CDKL1: variants seen among roughly 807,000 people sequenced by gnomAD.
The protein encoded by CDKL1 is cyclin dependent kinase like 1, also known as cyclin-dependent kinase-like 1.
In CDKL1, 41 loss-of-function variants were observed where a neutral mutation model predicts 42.0. That is an observed-to-expected ratio of 0.98 (90% CI 0.76 to 1.27). The LOEUF (loss-of-function observed/expected upper bound fraction) is 1.27, where lower values mean the gene tolerates loss of function less well. Ranked by LOEUF, CDKL1 falls within the 50% of genes most tolerant of loss-of-function variation. The pLI is 0.00. For missense variants in CDKL1, 394 were observed against 428.4 expected (o/e 0.92, Z 0.71); for synonymous variants, 153 against 158.6 (o/e 0.96, Z 0.26).
chr14:50,341,577 G>A lies in CDKL1; in HGVS notation c.455-345C>T, dbSNP rs1308658340. On this transcript the variant is annotated intron_variant, in intron 5 of 9. Coordinates refer to ENST00000395834, the MANE Select transcript of CDKL1 (RefSeq NM_004196.7). Reference sequence around the variant, plus strand: ...GTGGTTTGCTTCAGCCCAGGAGTTCGAGACCAGCCTGGGCAATGTGGTGAA... The same window carrying A: ...GTGGTTTGCTTCAGCCCAGGAGTTCAAGACCAGCCTGGGCAATGTGGTGAA... 4.6e-5 allele frequency among the ~76,000 whole-genome samples: 7 copies of A among 151,648 alleles called. No homozygotes were observed. In the East Asian group the frequency reaches 7.8e-4, roughly 17 times the overall value.
In CDKL1 at chr14:50,376,484, T is replaced by C. The variant is rs1310880573; in HGVS notation, c.169-17335A>G. 4 of 451,690 alleles carry C rather than the reference T, an allele frequency of 8.9e-6. No individual in the cohort carries two copies. In the East Asian group the frequency reaches 2.8e-4, roughly 32 times the overall value. 28.0% of individuals were successfully genotyped at this position (451,690 alleles called of 1,614,324 possible). ...TAATAGAGGAGGATGGCTGAATACA[T>C]TGTGCTATATTCAGACCAGGAAATA... On this transcript the variant is annotated intron_variant, in intron 2 of 9. Coordinates refer to ENST00000395834, the MANE Select transcript of CDKL1 (RefSeq NM_004196.7).
chr14:50,368,620 T>C (rs1365256098), intron 2 of CDKL1, among the ~76,000 whole-genome samples: 1 of 152,122 alleles, frequency 6.6e-6, no homozygotes, highest in Non-Finnish European at 1.5e-5. Flanking sequence ...TCAAGTATTT[T>C]CTGTGACATT....
At chr14:50,384,108 T>C (rs1019283862) in intron 2 of CDKL1, among the ~76,000 whole-genome samples, 5 of 152,210 alleles carry the variant, frequency 3.3e-5, no homozygotes, top group Admixed American at 6.5e-5. Context: ...GTTTCTATCA[T>C]TGTGGGCAAG....
At chr14:50,337,037 C>A (rs1460662964) in intron 7 of CDKL1, among the ~76,000 whole-genome samples, 1 of 152,132 alleles carries the variant, frequency 6.6e-6, no homozygotes, top group Non-Finnish European at 1.5e-5. Context: ...GAGACGGAAT[C>A]TGGCCCTGTT....
At chr14:50,357,233 A>G (rs555504139) in intron 3 of CDKL1, 1 of 152,320 alleles carries the variant, frequency 6.6e-6, no homozygotes, top group Admixed American at 6.5e-5. Flanking sequence ...GTAAATTAAC[A>G]TTCTGAAATA....
At chr14:50,392,710 T>C (rs1595383736) in intron 2 of CDKL1, among the ~76,000 whole-genome samples, 1 of 152,072 alleles carries the variant, frequency 6.6e-6, no homozygotes, top group East Asian at 1.9e-4. Flanking sequence ...CAACCTGGAC[T>C]TCCCCTGAAT....
intron 9 of CDKL1, chr14:50,330,420 G>A (rs1224161338): frequency 7.2e-6 from 3 of 415,732 alleles, no homozygotes; most frequent in Non-Finnish European, 1.2e-5. Flanking sequence ...TATGAAAAGG[G>A]GAAAATCTAC....
intron 2 of CDKL1, among the ~76,000 whole-genome samples, chr14:50,389,570 A>G (rs929802397): frequency 6.6e-6 from 1 of 152,128 alleles, no homozygotes; most frequent in African/African-American, 2.4e-5. Context: ...TGTGATATTT[A>G]TAATTAATTT....
chr14:50,351,892 A>G (rs932945555), intron 3 of CDKL1, among the ~76,000 whole-genome samples: 1 of 152,244 alleles, frequency 6.6e-6, no homozygotes, highest in Non-Finnish European at 1.5e-5. Context: ...TTACATAGGC[A>G]CAATAATGGG....
At chr14:50,383,550 CAA>C (rs72048788) in intron 2 of CDKL1, among the ~76,000 whole-genome samples, 9,416 of 140,128 alleles carry the variant, frequency 0.067, 473 homozygotes, top group African/African-American at 0.14. Context: ...GAGACTGTCT[CAA>C]AAAAAAAAAA....
At chr14:50,357,610 G>A (rs1271954784) in intron 3 of CDKL1, among the ~76,000 whole-genome samples, 1 of 152,140 alleles carries the variant, frequency 6.6e-6, no homozygotes, top group African/African-American at 2.4e-5. Context: ...TCACCATGAA[G>A]CTCTCTTTGA....
Position 50,331,904 on chromosome 14 carries a change from A to G in CDKL1, c.966+358T>C, listed in dbSNP as rs111832224. ...CTGGAGTGTTAGTTTTAATACTAAA[A>G]GTGTACATGATGACACAGAACTGCA... On this transcript the variant is annotated intron_variant, in intron 9 of 9. Coordinates refer to ENST00000395834, the MANE Select transcript of CDKL1 (RefSeq NM_004196.7). 1.6e-4 allele frequency: 142 copies of G among 868,432 alleles called. No individual in the cohort carries two copies. The African/African-American group carries it at 2.1e-3, about 13-fold the overall frequency. 53.8% of individuals were successfully genotyped at this position (868,432 alleles called of 1,614,324 possible).
intron 2 of CDKL1, among the ~76,000 whole-genome samples, chr14:50,379,049 G>A (rs369701481): frequency 6.6e-6 from 1 of 151,880 alleles, no homozygotes; most frequent in South Asian, 2.1e-4. Flanking sequence ...ACAGCATTTC[G>A]CCATGTTGGC....
At chr14:50,384,900 G>A (rs890966434) in intron 2 of CDKL1, among the ~76,000 whole-genome samples, 2 of 151,384 alleles carry the variant, frequency 1.3e-5, no homozygotes, top group African/African-American at 2.4e-5. Context: ...ATGAAATCCC[G>A]TCTCTACTAA....
At chr14:50,333,221 T>C (rs2139362974) in intron 8 of CDKL1, 1 of 152,208 alleles carries the variant, frequency 6.6e-6, no homozygotes, top group East Asian at 1.9e-4. Flanking sequence ...CCAGGAGGTT[T>C]GGCATTGTTA....
Position 50,339,017 on chromosome 14 carries a change from G to A in CDKL1, c.668C>T (p.Pro223Leu). 2.5e-6 allele frequency: 4 copies of A among 1,609,020 alleles called. No individual in the cohort carries two copies. The highest frequency in any genetic ancestry group is 3.4e-6 in the Non-Finnish European group (4 of 1,175,318). ...CGTGCTAAACACTTGCTGGTGCCTA[G>A]GAATGAGATCCCCTTTGGACAAGAA... is the stretch of plus-strand genomic sequence containing the variant. The part of the protein sequence containing the change: ...LIRKTLGDLI[P>L]RHQQVFSTNQ... Residue 223 changes from proline (P) to leucine (L), a missense_variant, in exon 7 of 10, where the codon CCT becomes CTT. Pro to Leu is a moderately conservative substitution (Grantham distance 98). Coordinates refer to ENST00000395834, the MANE Select transcript of CDKL1 (RefSeq NM_004196.7).
intron 2 of CDKL1, among the ~76,000 whole-genome samples, chr14:50,391,117 G>T (rs2035245451): frequency 6.6e-6 from 1 of 152,156 alleles, no homozygotes; most frequent in Non-Finnish European, 1.5e-5. Context: ...ACAAGCGTGA[G>T]CCACCACACC....
At chr14:50,358,047 T>G (rs2139446088) in intron 3 of CDKL1, 1 of 1,351,546 alleles carries the variant, frequency 7.4e-7, no homozygotes. Flanking sequence ...GCCCTCAACT[T>G]CAGGAAGGGA....
At chr14:50,341,780 C>CAAAA (rs11381667) in intron 5 of CDKL1, among the ~76,000 whole-genome samples, 1 of 129,290 alleles carries the variant, frequency 7.7e-6, no homozygotes, top group Non-Finnish European at 1.6e-5. Flanking sequence ...GACCCTGTCT[C>CAAAA]AAAAAAAAAA....
Sources: allele counts gnomAD v4.1 joint callset (sites outside exome capture counted in the v4.1 genomes callset), GRCh38; gene constraint gnomAD v4.1.1; transcripts MANE v1.5; gene names NCBI Gene and HGNC (gene_info 2026-07-23, HGNC 2026-07-21).